KATNAL1: variants seen among roughly 807,000 people sequenced by gnomAD.
KATNAL1 encodes the protein katanin catalytic subunit A1 like 1.
Under a neutral mutation model 55.2 loss-of-function variants are expected in KATNAL1, and 32 were observed. The observed-to-expected ratio is 0.58, with a 90% CI of 0.44 to 0.78. The LOEUF (loss-of-function observed/expected upper bound fraction) is 0.78. Ranked by LOEUF, KATNAL1 falls within the 30% of genes least tolerant of loss-of-function variation. The pLI is 0.00. For synonymous variants in KATNAL1, 193 were observed against 193.6 expected (o/e 1.00, Z 0.02); for missense variants, 466 against 600.9 (o/e 0.78, Z 2.35).
In KATNAL1 at chr13:30,209,973, G is replaced by A. The variant is rs80283806; in HGVS notation, c.1274+343C>T. Among the ~76,000 whole-genome samples, 411 of 151,942 alleles carry A rather than the reference G, an allele frequency of 2.7e-3. 1 individual carries two copies. Among genetic ancestry groups the A allele is most frequent in the Admixed American group, 0.015 (230 of 15,274 alleles). ...ATTTTTTGTATTTTTTAGTAGAGGC[G>A]GGGTTTCACCGTGTTAGCCAGGATG... On this transcript the variant is annotated intron_variant, in intron 10 of 10. Coordinates refer to ENST00000380615, the MANE Select transcript of KATNAL1 (RefSeq NM_032116.5).
At chr13:30,263,831 C>T (rs1318366049) in intron 3 of KATNAL1, among the ~76,000 whole-genome samples, 2 of 144,350 alleles carry the variant, frequency 1.4e-5, no homozygotes, top group Admixed American at 1.4e-4. Flanking sequence ...ATGCCATCCC[C>T]ATCAAGCTAC....
rs1881023662 is a variant in KATNAL1, at chr13:30,278,367, T to C, written c.323+1696A>G. ...AAAGGAGAATCAGAGAAATACATTCTGGTCCATTCATCTTTCACTTTCATT... is the reference window on the plus strand; with the variant it reads ...AAAGGAGAATCAGAGAAATACATTCCGGTCCATTCATCTTTCACTTTCATT... On this transcript the variant is annotated intron_variant, in intron 3 of 10. Coordinates refer to ENST00000380615, the MANE Select transcript of KATNAL1 (RefSeq NM_032116.5). Among the ~76,000 whole-genome samples the C allele has an allele frequency of 2.0e-5, 3 of 152,190 alleles. No homozygotes were observed. The South Asian group carries it at 6.2e-4, about 31-fold the overall frequency.
At chr13:30,282,165 A>C (rs1447977810) in intron 2 of KATNAL1, among the ~76,000 whole-genome samples, 1 of 118,280 alleles carries the variant, frequency 8.5e-6, no homozygotes, top group Non-Finnish European at 1.7e-5. Flanking sequence ...GCAAATTAAA[A>C]TTCAAGTTTT....
intron 3 of KATNAL1, among the ~76,000 whole-genome samples, chr13:30,261,345 C>T (rs1220667250): frequency 6.6e-6 from 1 of 151,782 alleles, no homozygotes; most frequent in Non-Finnish European, 1.5e-5. Context: ...ATCATAATGA[C>T]AGGATCAAAT....
chr13:30,296,381 TC>T, intron 1 of KATNAL1: 1 of 1,109,602 alleles, frequency 9.0e-7, no homozygotes, highest in Non-Finnish European at 1.4e-6. Context: ...CTTGGTGGAC[TC>T]TCAGTTCACC....
At chr13:30,298,460 C>A (rs557450906) in intron 1 of KATNAL1, among the ~76,000 whole-genome samples, 2 of 152,272 alleles carry the variant, frequency 1.3e-5, no homozygotes, top group East Asian at 3.9e-4. Flanking sequence ...CAGGACATAT[C>A]ATTTACCCAG....
Position 30,262,545 on chromosome 13 carries a change from C to T in KATNAL1, c.324-6930G>A, listed in dbSNP as rs1237043997. ...AAAATGGTAAAGGGGATATCACCACCGATCCCACAGAAATACAAACTACCA... is the reference window on the plus strand; with the variant it reads ...AAAATGGTAAAGGGGATATCACCACTGATCCCACAGAAATACAAACTACCA... On this transcript the variant is annotated intron_variant, in intron 3 of 10. Transcript: ENST00000380615. Among the ~76,000 whole-genome samples, 5 of 152,120 alleles carry T rather than the reference C, an allele frequency of 3.3e-5. No homozygotes were observed. In the East Asian group the frequency reaches 7.7e-4, roughly 23 times the overall value.
chr13:30,297,050 G>T (rs7336250), intron 1 of KATNAL1, among the ~76,000 whole-genome samples: 2 of 151,614 alleles, frequency 1.3e-5, no homozygotes, highest in African/African-American at 4.9e-5. Flanking sequence ...CGGGATGATC[G>T]CTTGAGTCTG....
rs573067536 is a variant in KATNAL1 at position 30,306,457 on chromosome 13, G to T, written c.-15+874C>A. On this transcript the variant is annotated intron_variant, in intron 1 of 10. Coordinates refer to ENST00000380615, the MANE Select transcript of KATNAL1 (RefSeq NM_032116.5). ...TAGGCAGTGTTCAGGCTGGCAAGGG[G>T]GGGGTGGGGTGGAGCACTCATTTCA... Among the ~76,000 whole-genome samples the T allele has an allele frequency of 3.6e-3, 541 of 152,218 alleles. 2 individuals carry two copies. The highest frequency in any genetic ancestry group is 0.013 in the African/African-American group (519 of 41,518).
At chr13:30,221,981 G>A (rs1383858003) in intron 9 of KATNAL1, among the ~76,000 whole-genome samples, 1 of 152,178 alleles carries the variant, frequency 6.6e-6, no homozygotes, top group East Asian at 1.9e-4. Context: ...AACCCAGGAG[G>A]CGGAGGTTGC....
intron 1 of KATNAL1, 85 bp from the exon 2 acceptor site, chr13:30,283,876 A>AAT: frequency 1.1e-6 from 1 of 887,338 alleles, no homozygotes; most frequent in Non-Finnish European, 1.6e-6. Flanking sequence ...GTTTAAAACT[A>AAT]CTTTTTTTTT....
intron 4 of KATNAL1, among the ~76,000 whole-genome samples, chr13:30,251,558 C>T (rs1174069194): frequency 6.6e-6 from 1 of 152,154 alleles, no homozygotes; most frequent in Non-Finnish European, 1.5e-5. Context: ...AAGGAACAGA[C>T]CCTCAGCAGA....
At chr13:30,300,514 G>T (rs1232312072) in intron 1 of KATNAL1, among the ~76,000 whole-genome samples, 1 of 151,038 alleles carries the variant, frequency 6.6e-6, no homozygotes, top group African/African-American at 2.4e-5. Context: ...GGCTTTACAT[G>T]CTTAATGAAA....
chr13:30,258,712 T>C (rs946024488), intron 3 of KATNAL1, among the ~76,000 whole-genome samples: 1 of 152,218 alleles, frequency 6.6e-6, no homozygotes, highest in Admixed American at 6.5e-5. Context: ...GTATTGGTTA[T>C]TTTATATTAA....
At chr13:30,245,301 AC>A (rs1280144113) in intron 4 of KATNAL1, among the ~76,000 whole-genome samples, 1 of 152,188 alleles carries the variant, frequency 6.6e-6, no homozygotes, top group East Asian at 1.9e-4. Flanking sequence ...AATGACAAAA[AC>A]CACGTGATAA....
intron 4 of KATNAL1, among the ~76,000 whole-genome samples, chr13:30,244,529 T>A (rs1012672251): frequency 5.3e-5 from 8 of 152,192 alleles, no homozygotes; most frequent in African/African-American, 1.7e-4. Context: ...TGAACTAGTT[T>A]ACAGTCCCAC....
chr13:30,233,347 C>T (rs1234093187), intron 6 of KATNAL1, among the ~76,000 whole-genome samples: 16 of 151,964 alleles, frequency 1.1e-4, no homozygotes, highest in Admixed American at 1.0e-3. Context: ...CCAATAGATA[C>T]ATGAAAAAAT....
chr13:30,221,356 T>G (rs1329920352), intron 9 of KATNAL1, among the ~76,000 whole-genome samples: 1 of 152,244 alleles, frequency 6.6e-6, no homozygotes, highest in Non-Finnish European at 1.5e-5. Context: ...AATACTGATT[T>G]TTCTTAGTTC....
chr13:30,266,557 T>C (rs1044479938), intron 3 of KATNAL1, among the ~76,000 whole-genome samples: 1 of 152,056 alleles, frequency 6.6e-6, no homozygotes, highest in Non-Finnish European at 1.5e-5. Context: ...ATGAAAAAAA[T>C]CACAAGTCTA....
Sources: allele counts gnomAD v4.1 joint callset (sites outside exome capture counted in the v4.1 genomes callset), GRCh38; gene constraint gnomAD v4.1.1; transcripts MANE v1.5; gene names NCBI Gene and HGNC (gene_info 2026-07-23, HGNC 2026-07-21).